CACNA2D3: variants seen among roughly 807,000 people sequenced by gnomAD.
CACNA2D3 encodes calcium voltage-gated channel auxiliary subunit alpha2delta 3, also known as voltage-dependent calcium channel subunit alpha-2/delta-3.
CACNA2D3 carries 60 observed loss-of-function variants against 160.6 expected under a neutral mutation model. That is an observed-to-expected ratio of 0.37 (90% CI 0.30 to 0.46). CACNA2D3 has a LOEUF of 0.46. Among genes scored for constraint, CACNA2D3 ranks in the 20% least tolerant of loss-of-function variants. The pLI, the probability that CACNA2D3 is intolerant of heterozygous loss-of-function variation, is 1.00. For synonymous variants in CACNA2D3, 558 were observed against 492.9 expected, an observed-to-expected ratio of 1.13 and a Z score of -1.75; for missense variants, 1,205 against 1,365.0, an observed-to-expected ratio of 0.88 and a Z score of 1.85.
At chr3:54,408,602 C>T (rs965893211) in intron 4 of CACNA2D3, among the ~76,000 whole-genome samples, 1 of 152,116 alleles carries the variant, frequency 6.6e-6, no homozygotes, top group African/African-American at 2.4e-5. Context: ...TCCTTTTTCT[C>T]ATCTTACAAA....
intron 30 of CACNA2D3, among the ~76,000 whole-genome samples, chr3:54,986,228 G>A (rs1702609569): frequency 6.6e-6 from 1 of 152,110 alleles, no homozygotes; most frequent in South Asian, 2.1e-4. Context: ...TGGAAACAGT[G>A]TCTCTGTTTC....
intron 13 of CACNA2D3, among the ~76,000 whole-genome samples, chr3:54,810,556 C>G (rs1488421135): frequency 1.3e-5 from 2 of 152,184 alleles, no homozygotes; most frequent in East Asian, 1.9e-4. Flanking sequence ...AGGGATTGAT[C>G]ATTCATTCAT....
At chr3:54,741,905 A>C (rs1281127947) in intron 11 of CACNA2D3, among the ~76,000 whole-genome samples, 1 of 150,986 alleles carries the variant, frequency 6.6e-6, no homozygotes, top group African/African-American at 2.4e-5. Context: ...TTTTTTTGAG[A>C]CAAGGTCTCT....
intron 2 of CACNA2D3, among the ~76,000 whole-genome samples, chr3:54,319,195 CA>C (rs1559448306): frequency 9.5e-5 from 14 of 147,336 alleles, no homozygotes; most frequent in African/African-American, 3.2e-4. Flanking sequence ...CACACACACA[CA>C]CACACCCTTC....
intron 35 of CACNA2D3, among the ~76,000 whole-genome samples, chr3:55,037,870 G>A (rs1703864801): frequency 6.6e-6 from 1 of 151,674 alleles, no homozygotes; most frequent in South Asian, 2.1e-4. Context: ...TTTATTAAAT[G>A]TATTCATTTA....
chr3:54,848,638 A>G (rs1698988260), intron 17 of CACNA2D3, among the ~76,000 whole-genome samples: 1 of 152,228 alleles, frequency 6.6e-6, no homozygotes, highest in South Asian at 2.1e-4. Flanking sequence ...AATGTGGTCA[A>G]TAAGTGTATG....
chr3:54,752,535 A>G, intron 11 of CACNA2D3, 64 bp from the exon 12 acceptor site: 12 of 1,088,070 alleles, frequency 1.1e-5, no homozygotes, highest in South Asian at 6.5e-5. Flanking sequence ...TGAGCCATGC[A>G]TGTGATCTGT....
At chr3:54,717,667 TGTGTG>T (rs1218753939) in intron 11 of CACNA2D3, among the ~76,000 whole-genome samples, 1 of 132,416 alleles carries the variant, frequency 7.6e-6, no homozygotes, top group African/African-American at 2.8e-5. Context: ...TGTGTATGCA[TGTGTG>T]GTGTGTGTGG....
At chr3:54,830,131 G>T (rs375662797) in intron 14 of CACNA2D3, among the ~76,000 whole-genome samples, 4 of 151,906 alleles carry the variant, frequency 2.6e-5, no homozygotes, top group African/African-American at 4.8e-5. Flanking sequence ...TTTTAGTAGA[G>T]ACGGGATTTC....
At chr3:54,876,977 T>C (rs961826685) in intron 18 of CACNA2D3, 1 of 152,196 alleles carries the variant, frequency 6.6e-6, no homozygotes, top group Non-Finnish European at 1.5e-5. Flanking sequence ...AGCTGGCTTG[T>C]GTCAGTGGCA....
intron 25 of CACNA2D3, among the ~76,000 whole-genome samples, chr3:54,893,270 T>C (rs1052508200): frequency 6.6e-6 from 1 of 151,352 alleles, no homozygotes; most frequent in Non-Finnish European, 1.5e-5. Flanking sequence ...AGTGAGACTC[T>C]GTCTCAAAAA....
At chr3:54,388,991 A>C (rs1699235022) in intron 4 of CACNA2D3, among the ~76,000 whole-genome samples, 1 of 149,936 alleles carries the variant, frequency 6.7e-6, no homozygotes, top group Non-Finnish European at 1.5e-5. Context: ...ATAATAAATA[A>C]ACAGATAGAT....
chr3:54,387,103 A>G (rs1699201164), intron 4 of CACNA2D3, among the ~76,000 whole-genome samples: 2 of 152,214 alleles, frequency 1.3e-5, no homozygotes, highest in African/African-American at 4.8e-5. Flanking sequence ...AATACATCCA[A>G]ATCCCACTTG....
intron 3 of CACNA2D3, among the ~76,000 whole-genome samples, chr3:54,382,329 T>G (rs1699116696): frequency 1.3e-5 from 2 of 152,228 alleles, no homozygotes; most frequent in South Asian, 4.1e-4. Flanking sequence ...AGATTTGTTT[T>G]AAAAACGTAT....
intron 9 of CACNA2D3, among the ~76,000 whole-genome samples, chr3:54,623,187 G>T (rs1376312456): frequency 8.4e-6 from 1 of 119,126 alleles, no homozygotes; most frequent in South Asian, 2.7e-4. Flanking sequence ...AGGGGCTCAA[G>T]CCTTGTTGTC....
intron 27 of CACNA2D3, among the ~76,000 whole-genome samples, chr3:54,932,752 G>A (rs558510493): frequency 6.6e-6 from 1 of 152,296 alleles, no homozygotes; most frequent in East Asian, 1.9e-4. Flanking sequence ...ATGGCCAAGT[G>A]CTCCTCCATC....
chr3:54,538,170 A>G (rs991728292), intron 5 of CACNA2D3, among the ~76,000 whole-genome samples: 1 of 151,834 alleles, frequency 6.6e-6, no homozygotes, highest in African/African-American at 2.4e-5. Context: ...GGATCTGCCA[A>G]CCCTGCCACT....
chr3:54,851,802 A>G (rs1266005768), intron 17 of CACNA2D3, among the ~76,000 whole-genome samples: 1 of 152,254 alleles, frequency 6.6e-6, no homozygotes, highest in Non-Finnish European at 1.5e-5. Flanking sequence ...GTTTCAATAT[A>G]TAATCAATGC....
chr3:54,763,906 G>T lies in CACNA2D3; in HGVS notation c.1247-312G>T, dbSNP rs949561584. On this transcript the variant is annotated intron_variant, in intron 12 of 37. Transcript: ENST00000474759. ...GTATATATATGTATGTGGGGGGGGG[G>T]GGTGCATATAAAGTTAGGGAGGATA... is the stretch of plus-strand genomic sequence containing the variant. Among the ~76,000 whole-genome samples the T allele has an allele frequency of 2.5e-4, 24 of 97,428 alleles. 3 individuals are homozygous for T. Among genetic ancestry groups the T allele is most frequent in the African/African-American group, 6.8e-4 (16 of 23,616 alleles). The allele number at this position is 97,428 out of a possible 152,430, so 63.9% of individuals were successfully genotyped here.
Sources: allele counts gnomAD v4.1 joint callset (sites outside exome capture counted in the v4.1 genomes callset), GRCh38; gene constraint gnomAD v4.1.1; transcripts MANE v1.5; gene names NCBI Gene and HGNC (gene_info 2026-07-23, HGNC 2026-07-21).